Variants in CDC45 observed in about 807,000 individuals in gnomAD.
CDC45 encodes cell division control protein 45 homolog.
Under a neutral mutation model 77.8 loss-of-function variants are expected in CDC45, and 54 were observed. The ratio of observed to expected loss-of-function variants is 0.69; its 90% confidence interval spans 0.56 to 0.87. The LOEUF (loss-of-function observed/expected upper bound fraction) is 0.87, where lower values mean the gene tolerates loss of function less well. CDC45 is among the 40% of genes least tolerant of loss of function. The pLI is 0.00. For missense variants in CDC45, 649 were observed against 721.6 expected (o/e 0.90, Z 1.15); for synonymous variants, 260 against 272.1 (o/e 0.96, Z 0.44).
In CDC45 at chr22:19,481,059, G is replaced by A. The variant is rs759003990; in HGVS notation, c.204+14G>A. Reference sequence around the variant, plus strand: ...CATAAAGAACAGGTATTGAAGATGCGTTTTAGAATAACGTGGCTTTTTACT... The same window carrying A: ...CATAAAGAACAGGTATTGAAGATGCATTTTAGAATAACGTGGCTTTTTACT... On this transcript the variant is annotated intron_variant, in intron 3 of 18. Transcript: ENST00000263201. 1.9e-6 allele frequency: 3 copies of A among 1,558,706 alleles called. No individual in the cohort carries two copies. The highest frequency in any genetic ancestry group is 2.2e-5 in the South Asian group (2 of 88,892).
intron 13 of CDC45, among the ~76,000 whole-genome samples, chr22:19,512,768 A>G (rs1244260603): frequency 1.3e-5 from 2 of 152,178 alleles, no homozygotes; most frequent in Non-Finnish European, 1.5e-5. Flanking sequence ...TAAGAAAAGG[A>G]TATTTAAAAC....
chr22:19,518,090 C>T (rs576012806), intron 17 of CDC45, among the ~76,000 whole-genome samples: 8 of 152,338 alleles, frequency 5.3e-5, no homozygotes, highest in Admixed American at 2.6e-4. Context: ...CACAGCAGCC[C>T]CTGCTAACTC....
rs568261790 is a variant in CDC45 at position 19,500,988 on chromosome 22, C to A, written c.704+1837C>A. 1.1e-4 allele frequency among the ~76,000 whole-genome samples: 16 copies of A among 152,170 alleles called. No individual in the cohort carries two copies. The South Asian group carries it at 2.5e-3, about 24-fold the overall frequency. On this transcript the variant is annotated intron_variant, in intron 9 of 18. Transcript: ENST00000263201. Reference sequence around the variant, plus strand: ...GGTCAGGAGTTCGAGACCAGCCTGGCCAATATGGTGAAACACCGTCTCTAC... The same window carrying A: ...GGTCAGGAGTTCGAGACCAGCCTGGACAATATGGTGAAACACCGTCTCTAC...
chr22:19,502,397 CTTAT>C (rs1932930582), intron 9 of CDC45, among the ~76,000 whole-genome samples: 1 of 152,316 alleles, frequency 6.6e-6, no homozygotes, highest in Admixed American at 6.5e-5. Context: ...AATATTTGAA[CTTAT>C]TTACTTTGTT....
At chr22:19,493,986 G>C (rs1290736709) in intron 5 of CDC45, among the ~76,000 whole-genome samples, 1 of 152,198 alleles carries the variant, frequency 6.6e-6, no homozygotes, top group Non-Finnish European at 1.5e-5. Flanking sequence ...TGTGGAAGCT[G>C]GTACAAAGTG....
At chr22:19,519,022 G>A (rs1933962037) in intron 18 of CDC45, 113 bp downstream of exon 18, 7 of 828,436 alleles carry the variant, frequency 8.4e-6, no homozygotes, top group Non-Finnish European at 1.4e-5. Flanking sequence ...TCAGACCGAA[G>A]CAGGGTTCTT....
intron 9 of CDC45, among the ~76,000 whole-genome samples, chr22:19,502,143 CTTAT>C (rs565815046): frequency 5.9e-5 from 9 of 152,270 alleles, no homozygotes; most frequent in Non-Finnish European, 1.2e-4. Context: ...CAATATTCAT[CTTAT>C]TTGTCAAAAA....
At chr22:19,504,012 G>C (rs1001657747) in intron 9 of CDC45, among the ~76,000 whole-genome samples, 1 of 152,220 alleles carries the variant, frequency 6.6e-6, no homozygotes, top group South Asian at 2.1e-4. Context: ...CCCAGTGGCC[G>C]CTTGGGCTTT....
intron 13 of CDC45, among the ~76,000 whole-genome samples, chr22:19,512,369 C>T (rs1176839013): frequency 3.3e-5 from 5 of 152,318 alleles, no homozygotes; most frequent in South Asian, 2.1e-4. Context: ...GGCTTTCTCT[C>T]GCACTGATGT....
intron 10 of CDC45, among the ~76,000 whole-genome samples, chr22:19,506,955 G>A (rs1257219824): frequency 1.3e-5 from 2 of 152,018 alleles, no homozygotes; most frequent in Non-Finnish European, 2.9e-5. Flanking sequence ...ACGAAAAAAG[G>A]GCTGAGGATG....
chr22:19,506,276 G>C (rs894773066), intron 10 of CDC45, among the ~76,000 whole-genome samples: 1 of 152,170 alleles, frequency 6.6e-6, no homozygotes, highest in Non-Finnish European at 1.5e-5. Flanking sequence ...GGAGCGGGGT[G>C]GAGCTGGCTG....
At chr22:19,479,810 A>G, upstream of CDC45, 1 of 743,700 alleles carries the variant, frequency 1.3e-6, no homozygotes, top group Non-Finnish European at 2.3e-6. Flanking sequence ...GGCCGCCTCC[A>G]ATGTGGCCCA....
chr22:19,491,902 G>T (rs911320003), intron 5 of CDC45, among the ~76,000 whole-genome samples: 2 of 151,778 alleles, frequency 1.3e-5, no homozygotes, highest in African/African-American at 4.8e-5. Flanking sequence ...TGCCTCCTGG[G>T]TTCAAGCAAT....
intron 10 of CDC45, 94 bp downstream of exon 10, chr22:19,505,575 C>T: frequency 7.1e-7 from 1 of 1,412,084 alleles, no homozygotes; most frequent in Non-Finnish European, 9.9e-7. Flanking sequence ...TGGCCACATC[C>T]CCAGGAGGGA....
chr22:19,495,593 G>A (rs564091900), intron 6 of CDC45, among the ~76,000 whole-genome samples: 3 of 152,226 alleles, frequency 2.0e-5, no homozygotes, highest in Non-Finnish European at 4.4e-5. Context: ...CAAGGTGGAA[G>A]GACTGCTTGA....
At position 19,495,982 on chromosome 22, in the gene CDC45, A is replaced by G. The variant is rs1270189040; in HGVS notation, c.544A>G (p.Arg182Gly). Reference sequence around the variant, plus strand: ...GACCTGCATTTTATGTCATTACAGAAGAGACATCCTCTTTGACTACGAGCA... The same window carrying G: ...GACCTGCATTTTATGTCATTACAGAGGAGACATCCTCTTTGACTACGAGCA... ...RQRREWEARR[R>G]DILFDYEQYE... Residue 182 changes from arginine to glycine, a missense_variant and splice_region_variant, in exon 7 of 19, where the codon AGA becomes GGA. Physicochemically the swap from Arg to Gly is moderately radical, Grantham distance 125. Coordinates refer to ENST00000263201, the MANE Select transcript of CDC45 (RefSeq NM_003504.5). 2 of 1,610,200 alleles carry G rather than the reference A, an allele frequency of 1.2e-6. No homozygotes were observed. The highest frequency in any genetic ancestry group is 1.7e-6 in the Non-Finnish European group (2 of 1,176,596).
chr22:19,481,548 T>C (rs895570257), intron 3 of CDC45, among the ~76,000 whole-genome samples: 1 of 151,572 alleles, frequency 6.6e-6, no homozygotes, highest in Non-Finnish European at 1.5e-5. Flanking sequence ...CTGGCTAATG[T>C]TTTTGTATTT....
intron 3 of CDC45, among the ~76,000 whole-genome samples, chr22:19,482,441 G>A (rs994315796): frequency 4.6e-5 from 7 of 152,244 alleles, no homozygotes; most frequent in African/African-American, 7.2e-5. Flanking sequence ...GCCTGTCCAC[G>A]AGACTTGGGC....
chr22:19,479,692 A>G (rs761974304), upstream of CDC45: 22 of 694,918 alleles, frequency 3.2e-5, no homozygotes, highest in Non-Finnish European at 5.4e-5. Context: ...TTCTGGGTAA[A>G]AGCGAGTCAG....
Sources: allele counts gnomAD v4.1 joint callset (sites outside exome capture counted in the v4.1 genomes callset), GRCh38; gene constraint gnomAD v4.1.1; transcripts MANE v1.5; gene names NCBI Gene and HGNC (gene_info 2026-07-23, HGNC 2026-07-21).